ERBB4: variants seen among roughly 807,000 people sequenced by gnomAD.
ERBB4 encodes erb-b2 receptor tyrosine kinase 4.
In ERBB4, 42 loss-of-function variants were observed where a neutral mutation model predicts 158.0. The observed-to-expected ratio is 0.27, with a 90% CI of 0.21 to 0.34. The LOEUF (loss-of-function observed/expected upper bound fraction) is 0.34, where lower values mean the gene tolerates loss of function less well. Ranked by LOEUF, ERBB4 falls within the 10% of genes least tolerant of loss-of-function variation. ERBB4 has a pLI of 1.00. For synonymous variants in ERBB4, 583 were observed against 558.7 expected, an observed-to-expected ratio of 1.04 and a Z score of -0.61; for missense variants, 1,333 against 1,624.1, an observed-to-expected ratio of 0.82 and a Z score of 3.08.
intron 22 of ERBB4, among the ~76,000 whole-genome samples, chr2:211,426,855 C>CTATATCATGTAATGTATA (rs2063639799): frequency 6.6e-6 from 1 of 151,474 alleles, no homozygotes; most frequent in African/African-American, 2.4e-5. Context: ...ATAAACCTAT[C>CTATATCATGTAATGTATA]TATATCATGT....
chr2:212,196,348 CT>C (rs1574413334), intron 1 of ERBB4, among the ~76,000 whole-genome samples: 1 of 151,982 alleles, frequency 6.6e-6, no homozygotes, highest in Admixed American at 6.6e-5. Flanking sequence ...TCATTCTCAT[CT>C]TTATAATGAG....
intron 3 of ERBB4, among the ~76,000 whole-genome samples, chr2:211,900,202 A>G (rs1252275051): frequency 2.6e-5 from 4 of 152,152 alleles, no homozygotes; most frequent in African/African-American, 9.7e-5. Flanking sequence ...AAGAACTTCA[A>G]AAACATTAAG....
At chr2:212,109,321 A>G (rs1172548888) in intron 2 of ERBB4, among the ~76,000 whole-genome samples, 1 of 152,150 alleles carries the variant, frequency 6.6e-6, no homozygotes, top group Non-Finnish European at 1.5e-5. Flanking sequence ...CCTTTATTTT[A>G]AGCCAAAATC....
chr2:211,713,665 A>G lies in ERBB4; in HGVS notation c.884-17T>C, dbSNP rs569028153. On this transcript the variant is annotated splice_polypyrimidine_tract_variant and intron_variant, in intron 7 of 27. Coordinates refer to ENST00000342788, the MANE Select transcript of ERBB4 (RefSeq NM_005235.3). ...CAAAGTTATCTGATTAAAAAAAAAA[A>G]AAAGGTAAAATAAGCATTAATGTTA... is the stretch of plus-strand genomic sequence containing the variant. The G allele has an allele frequency of 3.4e-6, 5 of 1,481,740 alleles. No individual in the cohort carries two copies. In the African/African-American group the frequency reaches 6.9e-5, roughly 20 times the overall value. 91.8% of individuals were successfully genotyped at this position (1,481,740 alleles called of 1,614,324 possible). A position where few individuals can be genotyped will look rare whatever the true frequency, so the allele number is the denominator to read the frequency against.
chr2:211,751,080 G>A (rs945230113), intron 4 of ERBB4, among the ~76,000 whole-genome samples: 8 of 152,088 alleles, frequency 5.3e-5, no homozygotes, highest in Non-Finnish European at 1.0e-4. Flanking sequence ...ACACCTTACT[G>A]AGAGCAACAT....
intron 2 of ERBB4, among the ~76,000 whole-genome samples, chr2:212,095,611 A>G (rs2078904652): frequency 6.6e-6 from 1 of 152,226 alleles, no homozygotes; most frequent in Non-Finnish European, 1.5e-5. Flanking sequence ...GTATCAGAAT[A>G]CAGAGCATTT....
chr2:211,640,859 T>C (rs566175550), intron 16 of ERBB4, among the ~76,000 whole-genome samples: 6 of 151,824 alleles, frequency 4.0e-5, no homozygotes, highest in Non-Finnish European at 8.8e-5. Flanking sequence ...ACCTCAACAG[T>C]GGAGAAAAAG....
chr2:212,002,652 G>A (rs2076133562), intron 2 of ERBB4, among the ~76,000 whole-genome samples: 1 of 152,032 alleles, frequency 6.6e-6, no homozygotes. Flanking sequence ...ACAAATAGAA[G>A]AAAGTTTAAA....
chr2:212,396,578 T>C (rs545800490), intron 1 of ERBB4, among the ~76,000 whole-genome samples: 22 of 152,114 alleles, frequency 1.4e-4, no homozygotes, highest in Admixed American at 7.9e-4. Flanking sequence ...CCCCGAGATA[T>C]TAGCTATTAT....
Position 212,506,514 on chromosome 2 carries a change from G to A in ERBB4, c.82+31935C>T, listed in dbSNP as rs1309832605. ...AGAAAATTAAAAGTGCTGCTCCAGT[G>A]AACACACAAATGATAACAAAAAAAA... is the stretch of plus-strand genomic sequence containing the variant. On this transcript the variant is annotated intron_variant, in intron 1 of 27. Transcript: ENST00000342788. Among the ~76,000 whole-genome samples the A allele has an allele frequency of 1.7e-4, 25 of 148,842 alleles. 1 individual carries two copies. The highest frequency in any genetic ancestry group is 6.2e-4 in the African/African-American group (25 of 40,458).
intron 2 of ERBB4, among the ~76,000 whole-genome samples, chr2:212,122,406 A>T (rs2079785336): frequency 6.6e-6 from 1 of 152,114 alleles, no homozygotes; most frequent in African/African-American, 2.4e-5. Context: ...AATAAGTTAG[A>T]AAACAAAAAC....
chr2:211,889,334 G>T (rs918657435), intron 3 of ERBB4, among the ~76,000 whole-genome samples: 9 of 145,578 alleles, frequency 6.2e-5, no homozygotes, highest in Admixed American at 4.0e-4. Context: ...CTGCAGCTGA[G>T]GGTCCTCTCT....
At chr2:211,511,865 C>A (rs1004334017) in intron 20 of ERBB4, among the ~76,000 whole-genome samples, 3 of 151,944 alleles carry the variant, frequency 2.0e-5, no homozygotes, top group African/African-American at 7.2e-5. Context: ...GCTCTTGGAT[C>A]CATAATCCTT....
intron 7 of ERBB4, among the ~76,000 whole-genome samples, chr2:211,716,728 AAAG>A (rs1328110269): frequency 2.6e-5 from 4 of 152,152 alleles, no homozygotes; most frequent in Admixed American, 6.5e-5. Flanking sequence ...AACAAAAAAA[AAAG>A]AAGAAGCTTA....
chr2:212,148,880 T>G (rs977046877), intron 1 of ERBB4, among the ~76,000 whole-genome samples: 1 of 144,336 alleles, frequency 6.9e-6, no homozygotes, highest in African/African-American at 2.6e-5. Flanking sequence ...ATGGATGAAA[T>G]TGGAAACCAT....
At chr2:212,510,896 G>A (rs970394164) in intron 1 of ERBB4, among the ~76,000 whole-genome samples, 2 of 152,052 alleles carry the variant, frequency 1.3e-5, no homozygotes, top group Non-Finnish European at 2.9e-5. Context: ...GTACATGTGG[G>A]ATCCCCAGGA....
chr2:212,061,453 CAAAAAAAAAAAAAAAA>C (rs754237880), intron 2 of ERBB4, among the ~76,000 whole-genome samples: 2 of 22,808 alleles, frequency 8.8e-5, no homozygotes, highest in South Asian at 3.1e-3. Context: ...ACTCTGTCTC[CAAAAAAAAAAAAAAAA>C]AAAAAAAAAA....
chr2:211,865,020 A>T (rs967287573), intron 3 of ERBB4, among the ~76,000 whole-genome samples: 24 of 152,022 alleles, frequency 1.6e-4, no homozygotes, highest in Non-Finnish European at 1.9e-4. Flanking sequence ...AAAAAATAAA[A>T]AATAAATAAA....
chr2:212,165,836 C>T (rs985009432), intron 1 of ERBB4, among the ~76,000 whole-genome samples: 15 of 152,070 alleles, frequency 9.9e-5, no homozygotes, highest in African/African-American at 3.6e-4. Flanking sequence ...TTACATAAAA[C>T]AGAACACAAT....
Sources: gnomAD v4.1 joint callset for allele counts (sites outside exome capture counted in the v4.1 genomes callset) on GRCh38, gnomAD v4.1.1 for gene constraint, MANE v1.5 for transcripts, NCBI Gene and HGNC (gene_info 2026-07-23, HGNC 2026-07-21) for gene names.